The following LRRC4C variants were observed in gnomAD, a reference collection of about 807,000 sequenced individuals.
The protein encoded by LRRC4C is leucine rich repeat containing 4C.
A neutral mutation model predicts 33.6 loss-of-function variants in LRRC4C; 5 were observed. The observed-to-expected ratio is 0.15, with a 90% CI of 0.08 to 0.31. The LOEUF (loss-of-function observed/expected upper bound fraction) is 0.31, where lower values mean the gene tolerates loss of function less well. Among genes scored for constraint, LRRC4C ranks in the 10% least tolerant of loss-of-function variants. The probability of loss-of-function intolerance (pLI) is 1.00; values close to 1 mark genes in which losing one functional copy is unlikely to be tolerated. For missense variants in LRRC4C, 560 were observed against 796.7 expected, an observed-to-expected ratio of 0.70 and a Z score of 3.58; for synonymous variants, 329 against 302.0, an observed-to-expected ratio of 1.09 and a Z score of -0.93.
chr11:40,602,617 C>A (rs74719864), intron 3 of LRRC4C, among the ~76,000 whole-genome samples: 2 of 151,588 alleles, frequency 1.3e-5, no homozygotes, highest in East Asian at 3.9e-4. Context: ...AAGGAAATGG[C>A]GAGTTTTATT....
intron 3 of LRRC4C, among the ~76,000 whole-genome samples, chr11:40,377,577 C>G (rs1948709509): frequency 6.6e-6 from 1 of 151,974 alleles, no homozygotes; most frequent in South Asian, 2.1e-4. Context: ...TTTTTAAATT[C>G]TTAGTTCTTA....
chr11:40,604,865 G>T (rs900666329), intron 3 of LRRC4C, among the ~76,000 whole-genome samples: 1 of 152,014 alleles, frequency 6.6e-6, no homozygotes, highest in South Asian at 2.1e-4. Context: ...GCAGCATAAG[G>T]AGGAATGGAG....
intron 4 of LRRC4C, among the ~76,000 whole-genome samples, chr11:40,287,487 C>T (rs1943923831): frequency 6.6e-6 from 1 of 152,052 alleles, no homozygotes; most frequent in Admixed American, 6.6e-5. Flanking sequence ...ATACTACTTG[C>T]CAGCCATTCT....
At chr11:41,245,273 A>G (rs1368199557) in intron 1 of LRRC4C, among the ~76,000 whole-genome samples, 1 of 152,144 alleles carries the variant, frequency 6.6e-6, no homozygotes, top group East Asian at 1.9e-4. Context: ...TGTTCCGCCC[A>G]CTCAGCCTGG....
chr11:40,956,616 T>C (rs573118920), intron 1 of LRRC4C, among the ~76,000 whole-genome samples: 1 of 151,876 alleles, frequency 6.6e-6, no homozygotes, highest in Non-Finnish European at 1.5e-5. Context: ...ATTGAAAAGA[T>C]AGAAAACATA....
chr11:41,395,253 A>T (rs1016296150), intron 1 of LRRC4C, among the ~76,000 whole-genome samples: 9 of 152,014 alleles, frequency 5.9e-5, no homozygotes, highest in African/African-American at 2.2e-4. Context: ...CACCAATAAA[A>T]GCTTCTTAGA....
intron 1 of LRRC4C, among the ~76,000 whole-genome samples, chr11:41,337,501 A>G (rs1951494476): frequency 6.6e-6 from 1 of 152,214 alleles, no homozygotes; most frequent in African/African-American, 2.4e-5. Context: ...GAAAACTGAA[A>G]TTGGACCCCT....
chr11:40,334,081 G>T (rs927785379), intron 3 of LRRC4C, among the ~76,000 whole-genome samples: 3 of 152,058 alleles, frequency 2.0e-5, no homozygotes, highest in Non-Finnish European at 4.4e-5. Context: ...TGGAGTCCTT[G>T]GTGCTCAAGA....
intron 1 of LRRC4C, among the ~76,000 whole-genome samples, chr11:41,230,618 G>T (rs1947744055): frequency 6.6e-6 from 1 of 151,460 alleles, no homozygotes; most frequent in Non-Finnish European, 1.5e-5. Flanking sequence ...GTTTTCTTTT[G>T]GCTGCCAGTG....
At chr11:40,129,989 G>A (rs1856535591) in intron 6 of LRRC4C, among the ~76,000 whole-genome samples, 1 of 152,084 alleles carries the variant, frequency 6.6e-6, no homozygotes, top group Non-Finnish European at 1.5e-5. Flanking sequence ...TACCTGGCAT[G>A]AGGTTTCTGG....
chr11:40,943,278 C>T (rs1449742670), intron 1 of LRRC4C, among the ~76,000 whole-genome samples: 1 of 152,180 alleles, frequency 6.6e-6, no homozygotes, highest in African/African-American at 2.4e-5. Flanking sequence ...TTTCCCCTCA[C>T]ACCTTAGTAT....
intron 2 of LRRC4C, among the ~76,000 whole-genome samples, chr11:40,884,643 A>G (rs1036123400): frequency 1.3e-5 from 2 of 152,120 alleles, no homozygotes; most frequent in African/African-American, 2.4e-5. Context: ...AGTTATTTCT[A>G]TATCACTGGA....
chr11:40,815,305 C>A (rs542545746), intron 2 of LRRC4C, among the ~76,000 whole-genome samples: 199 of 152,254 alleles, frequency 1.3e-3, no homozygotes, highest in Non-Finnish European at 2.1e-3. Context: ...AAGAACAGCA[C>A]AGGAAAAACT....
chr11:40,797,442 C>A (rs887055174), intron 2 of LRRC4C, among the ~76,000 whole-genome samples: 1 of 151,470 alleles, frequency 6.6e-6, no homozygotes, highest in Admixed American at 6.6e-5. Context: ...GGATTTGGGT[C>A]AAAAATGAAA....
chr11:41,419,560 G>A (rs1309014545), intron 1 of LRRC4C, among the ~76,000 whole-genome samples: 1 of 151,928 alleles, frequency 6.6e-6, no homozygotes, highest in African/African-American at 2.4e-5. Context: ...GGTCACAATG[G>A]TGAGAGAAAC....
At chr11:40,201,879 A>C (rs1406569978) in intron 5 of LRRC4C, among the ~76,000 whole-genome samples, 1 of 152,198 alleles carries the variant, frequency 6.6e-6, no homozygotes, top group Non-Finnish European at 1.5e-5. Flanking sequence ...GCCACCTCGC[A>C]TGGCCCTCAC....
At chr11:40,945,223 G>GGTTTCATTCT (rs11281880) in intron 1 of LRRC4C, among the ~76,000 whole-genome samples, 1 of 150,586 alleles carries the variant, frequency 6.6e-6, no homozygotes, top group Non-Finnish European at 1.5e-5. Context: ...GTAGAGACGG[G>GGTTTCATTCT]GTTAACCTGG....
At chr11:40,396,205 T>C (rs1949534217) in intron 3 of LRRC4C, among the ~76,000 whole-genome samples, 1 of 152,154 alleles carries the variant, frequency 6.6e-6, no homozygotes, top group African/African-American at 2.4e-5. Context: ...CTGTTCATCT[T>C]ACAGCATAAG....
At chr11:40,965,693 A>G (rs1205812101) in intron 1 of LRRC4C, among the ~76,000 whole-genome samples, 3 of 152,004 alleles carry the variant, frequency 2.0e-5, no homozygotes, top group Non-Finnish European at 2.9e-5. Flanking sequence ...ATATGGCATT[A>G]TTTATGAGGG....
Sources: gnomAD v4.1 joint callset for allele counts (sites outside exome capture counted in the v4.1 genomes callset) on GRCh38, gnomAD v4.1.1 for gene constraint, MANE v1.5 for transcripts, NCBI Gene and HGNC (gene_info 2026-07-23, HGNC 2026-07-21) for gene names.